NALCN: variants seen among roughly 807,000 people sequenced by gnomAD.
NALCN encodes sodium leak channel, non-selective.
Under a neutral mutation model 225.3 loss-of-function variants are expected in NALCN, and 111 were observed. That is an observed-to-expected ratio of 0.49 (90% CI 0.42 to 0.58). The LOEUF is 0.58. Ranked by LOEUF, NALCN falls within the 20% of genes least tolerant of loss-of-function variation. The probability of loss-of-function intolerance (pLI) is 0.00; values close to 1 mark genes in which losing one functional copy is unlikely to be tolerated. For synonymous variants in NALCN, 764 were observed against 769.0 expected (o/e 0.99, Z 0.11); for missense variants, 1,378 against 2,202.4 (o/e 0.63, Z 7.49).
chr13:101,169,067 A>G (rs1275285066), intron 15 of NALCN, among the ~76,000 whole-genome samples: 1 of 152,162 alleles, frequency 6.6e-6, no homozygotes, highest in Non-Finnish European at 1.5e-5. Flanking sequence ...CCGAAACATT[A>G]TCCTTATAAT....
At chr13:101,159,097 A>G (rs1025887253) in intron 15 of NALCN, among the ~76,000 whole-genome samples, 2 of 152,246 alleles carry the variant, frequency 1.3e-5, no homozygotes, top group Non-Finnish European at 2.9e-5. Context: ...CTAAACTCCC[A>G]GAGTGAAAAA....
At chr13:101,349,832 C>T (rs1162405524) in intron 6 of NALCN, among the ~76,000 whole-genome samples, 1 of 152,158 alleles carries the variant, frequency 6.6e-6, no homozygotes, top group Admixed American at 6.5e-5. Context: ...GATTTCTCCA[C>T]TTGGCTACAC....
chr13:101,366,609 C>T (rs890427370), intron 6 of NALCN, among the ~76,000 whole-genome samples: 2 of 151,892 alleles, frequency 1.3e-5, no homozygotes, highest in African/African-American at 2.4e-5. Flanking sequence ...ATATGTGACT[C>T]GGAGATGTGT....
At position 101,397,066 on chromosome 13, in the gene NALCN, TTATATATATATATATATATATATA is replaced by T. The variant is rs368771604; in HGVS notation, c.109-1725_109-1702del. On this transcript the variant is annotated intron_variant, in intron 2 of 43. Coordinates refer to ENST00000251127, the MANE Select transcript of NALCN (RefSeq NM_052867.4). Reference sequence around the variant, plus strand: ...AAGAAGTAAAACACCTATGAATGTATTATATATATATATATATATATATATATATATATATATATATATACATAC... The same window carrying T: ...AAGAAGTAAAACACCTATGAATGTATTATATATATATATATATATACATAC... Among the ~76,000 whole-genome samples the T allele has an allele frequency of 8.5e-4, 48 of 56,390 alleles. 1 individual carries two copies. Among genetic ancestry groups the T allele is most frequent in the Non-Finnish European group, 1.1e-3 (32 of 28,650 alleles). The allele number at this position is 56,390 out of a possible 152,430, so 37.0% of individuals were successfully genotyped here.
At chr13:101,275,294 G>A (rs2042934575) in intron 10 of NALCN, among the ~76,000 whole-genome samples, 1 of 152,204 alleles carries the variant, frequency 6.6e-6, no homozygotes, top group Admixed American at 6.5e-5. Flanking sequence ...TAAAGCCAGT[G>A]TTCAAGGTGA....
Position 101,104,339 on chromosome 13 carries a change from C to T in NALCN, c.2845G>A (p.Val949Ile), listed in dbSNP as rs2034985799. The change falls in exon 25 of 44, where the codon GTC (valine) becomes ATC (isoleucine). Residue 949 changes from valine (V) to isoleucine (I), a missense_variant. Physicochemically the swap from Val to Ile is conservative, Grantham distance 29. Around this residue, in one of 19 missense-constraint regions of NALCN, gnomAD observed 292 missense variants for 409.5 expected, o/e 0.71. Transcript: ENST00000251127. The surrounding 1 kb of genome is among the most constrained non-coding windows in gnomAD (Gnocchi z 4.2). ...ADGLFFTPTA[V>I]IRDFGGVMDI... The stretch of plus-strand genomic sequence containing the variant: ...ATTACTCCACCGAAGTCCCTGATGA[C>T]AGCAGTTGGAGTGAAAAATAAGCCA... The T allele has an allele frequency of 1.9e-6, 3 of 1,613,604 alleles. No homozygotes were observed. The highest frequency in any genetic ancestry group is 2.5e-6 in the Non-Finnish European group (3 of 1,179,786).
At chr13:101,231,086 A>G (rs1409755168) in intron 12 of NALCN, among the ~76,000 whole-genome samples, 2 of 152,172 alleles carry the variant, frequency 1.3e-5, no homozygotes, top group Non-Finnish European at 2.9e-5. Context: ...ATAGTGGGCT[A>G]TACATCTAGG....
intron 7 of NALCN, among the ~76,000 whole-genome samples, chr13:101,304,858 T>C (rs568866380): frequency 2.0e-5 from 3 of 149,238 alleles, no homozygotes; most frequent in African/African-American, 7.4e-5. Flanking sequence ...CGTGTTAAAG[T>C]GATTCTCCTG....
Position 101,292,250 on chromosome 13 carries a change from T to C in NALCN, c.916A>G (p.Ile306Val). 1 of 1,613,840 alleles carries C rather than the reference T, an allele frequency of 6.2e-7. No homozygotes were observed. The change falls in exon 8 of 44, where the codon ATT (isoleucine) becomes GTT (valine). Residue 306 changes from isoleucine to valine, a missense_variant. Coordinates refer to ENST00000251127, the MANE Select transcript of NALCN (RefSeq NM_052867.4). This position sits in a 1 kb window ranked among gnomAD's most constrained non-coding sequence, Gnocchi z 4.3. The stretch of plus-strand genomic sequence containing the variant: ...TTCACAAGCCAGGCGAGGAAGAAAA[T>C]GAGAGTGATGAAATAGAAGTAGGAA... ...WRSYFYFITL[I>V]FFLAWLVKNV...
At chr13:101,142,901 A>G in intron 17 of NALCN, 179 bp downstream of exon 17, 1 of 872,562 alleles carries the variant, frequency 1.1e-6, no homozygotes. Flanking sequence ...GGCAAATGCA[A>G]AATTTCAATG....
intron 14 of NALCN, among the ~76,000 whole-genome samples, chr13:101,183,140 T>G (rs1194347406): frequency 6.6e-6 from 1 of 152,352 alleles, no homozygotes; most frequent in African/African-American, 2.4e-5. Flanking sequence ...TACAGAAAGC[T>G]GAGGTAATGC....
chr13:101,244,971 TG>T (rs2041851076), intron 11 of NALCN, among the ~76,000 whole-genome samples: 1 of 152,010 alleles, frequency 6.6e-6, no homozygotes. Flanking sequence ...AGAAGGCAAC[TG>T]GGGTCTCTGC....
chr13:101,300,400 CTCCT>C (rs368328035), intron 7 of NALCN, among the ~76,000 whole-genome samples: 1,366 of 41,508 alleles, frequency 0.033, 14 homozygotes, highest in East Asian at 0.12. Flanking sequence ...CCTTCCTTCC[CTCCT>C]TCCTTCCTTT....
At chr13:101,291,893 G>C in intron 9 of NALCN, 97 bp downstream of exon 9, 1 of 1,178,616 alleles carries the variant, frequency 8.5e-7, no homozygotes, top group Non-Finnish European at 1.2e-6. Context: ...GACTATAGAA[G>C]CCCATCATGC....
intron 1 of NALCN, among the ~76,000 whole-genome samples, chr13:101,414,838 A>T (rs1172590835): frequency 6.6e-6 from 1 of 152,178 alleles, no homozygotes; most frequent in African/African-American, 2.4e-5. Context: ...CAAACAGATT[A>T]TGTCTTCTAT....
At chr13:101,080,489 ATAAT>A (rs2033553660) in intron 34 of NALCN, among the ~76,000 whole-genome samples, 1 of 145,784 alleles carries the variant, frequency 6.9e-6, no homozygotes, top group Admixed American at 6.8e-5. Flanking sequence ...AATTATATAA[ATAAT>A]TATAATTACA....
chr13:101,167,977 G>A (rs900999883), intron 15 of NALCN, among the ~76,000 whole-genome samples: 8 of 152,100 alleles, frequency 5.3e-5, no homozygotes, highest in Admixed American at 4.6e-4. Context: ...TTTATTCCAA[G>A]TATTTTATTC....
At position 101,387,227 on chromosome 13, in the gene NALCN, CAAAAAAAAAAA is replaced by C. The variant is rs747159185; in HGVS notation, c.291+7945_291+7955del. On this transcript the variant is annotated intron_variant, in intron 3 of 43. Coordinates refer to ENST00000251127, the MANE Select transcript of NALCN (RefSeq NM_052867.4). ...TGGGCGACAGAGCGAGACTCCGTCT[CAAAAAAAAAAA>C]AAAAAAAAAAAAAAAACAGGTTAGC... Among the ~76,000 whole-genome samples the C allele has an allele frequency of 1.7e-3, 49 of 29,044 alleles. 1 individual carries two copies. The highest frequency in any genetic ancestry group is 5.6e-3 in the African/African-American group (44 of 7,924). 19.1% of individuals were successfully genotyped at this position (29,044 alleles called of 152,430 possible). A position where few individuals can be genotyped will look rare whatever the true frequency, so the allele number is the denominator to read the frequency against.
Position 101,389,073 on chromosome 13 carries a change from G to A in NALCN, c.291+6110C>T, listed in dbSNP as rs527509668. Among the ~76,000 whole-genome samples the A allele has an allele frequency of 1.4e-4, 21 of 152,320 alleles. No homozygotes were observed. The South Asian group carries it at 2.5e-3, about 18-fold the overall frequency. On this transcript the variant is annotated intron_variant, in intron 3 of 43. Coordinates refer to ENST00000251127, the MANE Select transcript of NALCN (RefSeq NM_052867.4). ...CTCCCAAGATGGCCTCCTGAGACAG[G>A]TTCCAGTTTTCTGAACCTATGCTTA...
Sources: gnomAD v4.1 joint callset for allele counts (sites outside exome capture counted in the v4.1 genomes callset) on GRCh38, gnomAD v4.1.1 for gene constraint, gnomAD v4.1.1 regional missense constraint, Gnocchi (gnomAD v3.1) non-coding constraint, MANE v1.5 for transcripts, NCBI Gene and HGNC (gene_info 2026-07-23, HGNC 2026-07-21) for gene names.